GRIK2: variants seen among roughly 807,000 people sequenced by gnomAD.
The protein encoded by GRIK2 is glutamate receptor ionotropic, kainate 2.
A neutral mutation model predicts 100.3 loss-of-function variants in GRIK2; 32 were observed. The ratio of observed to expected loss-of-function variants is 0.32; its 90% CI spans 0.24 to 0.43. The LOEUF is 0.43. Ranked by LOEUF, GRIK2 falls within the 20% of genes least tolerant of loss-of-function variation. GRIK2 has a pLI of 1.00. For missense variants in GRIK2, 843 were observed against 1,114.9 expected, an observed-to-expected ratio of 0.76 and a Z score of 3.47; for synonymous variants, 417 against 389.4, an observed-to-expected ratio of 1.07 and a Z score of -0.83.
intron 13 of GRIK2, chr6:101,927,337 G>A (rs896953783): frequency 4.1e-6 from 3 of 735,958 alleles, no homozygotes; most frequent in Non-Finnish European, 5.0e-6. Flanking sequence ...AGATATGACT[G>A]TAAGTCCGTC....
At chr6:101,638,692 G>C (rs1340706306) in intron 4 of GRIK2, among the ~76,000 whole-genome samples, 7 of 151,608 alleles carry the variant, frequency 4.6e-5, no homozygotes, top group Non-Finnish European at 1.0e-4. Flanking sequence ...TGTTGTGTGT[G>C]TGTATGTAGA....
chr6:102,053,416 A>G (rs1300978586), intron 15 of GRIK2, among the ~76,000 whole-genome samples: 1 of 152,164 alleles, frequency 6.6e-6, no homozygotes, highest in African/African-American at 2.4e-5. Context: ...GTTTTATTAC[A>G]TATCACAGAG....
intron 2 of GRIK2, among the ~76,000 whole-genome samples, chr6:101,553,029 T>G (rs908636423): frequency 2.6e-5 from 4 of 152,322 alleles, no homozygotes; most frequent in Middle Eastern, 3.4e-3. Context: ...CCAGTGAATA[T>G]TTTATCCTCA....
chr6:101,837,095 T>G (rs972554362), intron 10 of GRIK2, among the ~76,000 whole-genome samples: 1 of 152,220 alleles, frequency 6.6e-6, no homozygotes, highest in Non-Finnish European at 1.5e-5. Context: ...CTTTCCATCA[T>G]TTCTCATTGT....
At chr6:101,592,588 C>CATATATACATATATATATAT (rs1778709656) in intron 2 of GRIK2, among the ~76,000 whole-genome samples, 1 of 101,938 alleles carries the variant, frequency 9.8e-6, no homozygotes, top group Non-Finnish European at 1.9e-5. Flanking sequence ...ACTAATATCA[C>CATATATACATATATATATAT]ATATATATAT....
intron 7 of GRIK2, among the ~76,000 whole-genome samples, chr6:101,766,917 G>T (rs117115920): frequency 1.3e-5 from 2 of 152,288 alleles, no homozygotes; most frequent in East Asian, 3.9e-4. Flanking sequence ...AGATAAGATG[G>T]CATGCATGGC....
chr6:101,865,172 C>A (rs574968321), intron 11 of GRIK2, among the ~76,000 whole-genome samples: 1 of 152,162 alleles, frequency 6.6e-6, no homozygotes, highest in Non-Finnish European at 1.5e-5. Flanking sequence ...GCTTAGAAAA[C>A]AACTATAGTA....
intron 14 of GRIK2, among the ~76,000 whole-genome samples, chr6:102,006,565 G>T (rs753772000): frequency 6.6e-6 from 1 of 151,160 alleles, no homozygotes; most frequent in Non-Finnish European, 1.5e-5. Context: ...ACAGGGTTTC[G>T]CCATGTTGCC....
At chr6:101,587,561 A>G (rs1778440201) in intron 2 of GRIK2, among the ~76,000 whole-genome samples, 1 of 152,112 alleles carries the variant, frequency 6.6e-6, no homozygotes, top group Admixed American at 6.6e-5. Context: ...AGTATTAATA[A>G]AATATATGAA....
At chr6:101,996,474 AG>A (rs766168697) in intron 14 of GRIK2, among the ~76,000 whole-genome samples, 6 of 152,108 alleles carry the variant, frequency 3.9e-5, no homozygotes, top group Non-Finnish European at 7.4e-5. Context: ...AATGCCAAAA[AG>A]TGCTGTTTCT....
At chr6:101,934,769 C>G (rs1378802725) in intron 14 of GRIK2, among the ~76,000 whole-genome samples, 1 of 151,882 alleles carries the variant, frequency 6.6e-6, no homozygotes, top group Non-Finnish European at 1.5e-5. Context: ...GAGATTTACT[C>G]ATTAGCAGAG....
chr6:101,560,569 G>A (rs1030338969), intron 2 of GRIK2, among the ~76,000 whole-genome samples: 4 of 151,774 alleles, frequency 2.6e-5, no homozygotes, highest in Admixed American at 2.0e-4. Context: ...TTAGAAACTG[G>A]ACATTTAAAA....
intron 2 of GRIK2, among the ~76,000 whole-genome samples, chr6:101,581,572 T>A (rs539652037): frequency 6.6e-6 from 1 of 152,124 alleles, no homozygotes; most frequent in South Asian, 2.1e-4. Flanking sequence ...TGAATGTTTG[T>A]TGAATGGTTG....
At chr6:101,695,358 A>G (rs1335464572) in intron 7 of GRIK2, among the ~76,000 whole-genome samples, 1 of 152,152 alleles carries the variant, frequency 6.6e-6, no homozygotes, top group East Asian at 1.9e-4. Context: ...TAATGCAGTG[A>G]TGATGACTTA....
chr6:101,855,765 C>T (rs1784393358), intron 10 of GRIK2, among the ~76,000 whole-genome samples: 1 of 151,882 alleles, frequency 6.6e-6, no homozygotes, highest in African/African-American at 2.4e-5. Context: ...AGCAAATGCA[C>T]AATAAAAGCA....
At chr6:101,837,991 C>T (rs183213804) in intron 10 of GRIK2, among the ~76,000 whole-genome samples, 1 of 151,918 alleles carries the variant, frequency 6.6e-6, no homozygotes, top group South Asian at 2.1e-4. Context: ...TTTCTTTTCC[C>T]CTTCTCCCCC....
intron 7 of GRIK2, among the ~76,000 whole-genome samples, chr6:101,795,927 T>C (rs1353744113): frequency 6.6e-6 from 1 of 152,238 alleles, no homozygotes; most frequent in Non-Finnish European, 1.5e-5. Context: ...TTTTCTATAA[T>C]CTCTACCTTT....
chr6:101,631,621 C>T (rs1780747162), intron 4 of GRIK2, among the ~76,000 whole-genome samples: 2 of 152,174 alleles, frequency 1.3e-5, no homozygotes, highest in South Asian at 2.1e-4. Flanking sequence ...TCCTGCTCAC[C>T]AGAGCCTAAA....
chr6:101,617,876 G>T (rs534461978), intron 2 of GRIK2, among the ~76,000 whole-genome samples: 21 of 151,676 alleles, frequency 1.4e-4, no homozygotes, highest in African/African-American at 4.8e-4. Flanking sequence ...CTAAATGTGT[G>T]TATATATGTG....
Sources: allele counts gnomAD v4.1 joint callset (sites outside exome capture counted in the v4.1 genomes callset), GRCh38; gene constraint gnomAD v4.1.1; transcripts MANE v1.5; gene names NCBI Gene and HGNC (gene_info 2026-07-23, HGNC 2026-07-21).